Variants in SLC9C1 observed in about 807,000 individuals in gnomAD.
SLC9C1 encodes sodium/hydrogen exchanger 10.
SLC9C1 carries 97 observed loss-of-function variants against 140.9 expected under a neutral mutation model. The observed-to-expected ratio is 0.69, with a 90% CI of 0.58 to 0.82. SLC9C1 has a LOEUF of 0.82. Ranked by LOEUF, SLC9C1 falls within the 40% of genes least tolerant of loss-of-function variation. The pLI, the probability that SLC9C1 is intolerant of heterozygous loss-of-function variation, is 0.00. For missense variants in SLC9C1, 1,340 were observed against 1,389.3 expected, an observed-to-expected ratio of 0.96 and a Z score of 0.56; for synonymous variants, 440 against 442.6, an observed-to-expected ratio of 0.99 and a Z score of 0.07.
At chr3:112,144,065 G>A (rs148784125) in intron 28 of SLC9C1, among the ~76,000 whole-genome samples, 1 of 151,938 alleles carries the variant, frequency 6.6e-6, no homozygotes, top group East Asian at 1.9e-4. Context: ...TGTAAGTGTG[G>A]GGCTTTAGTT....
At chr3:112,251,365 G>A (rs2079452045) in intron 10 of SLC9C1, among the ~76,000 whole-genome samples, 1 of 151,954 alleles carries the variant, frequency 6.6e-6, no homozygotes, top group African/African-American at 2.4e-5. Flanking sequence ...GCAACCCTCA[G>A]GTCAGGAAAT....
intron 20 of SLC9C1, among the ~76,000 whole-genome samples, chr3:112,191,729 C>CT (rs1192505908): frequency 2.0e-5 from 3 of 151,918 alleles, no homozygotes; most frequent in Non-Finnish European, 4.4e-5. Context: ...TCCTTCTTTG[C>CT]TTTTTTGGAG....
chr3:112,239,714 G>T, intron 12 of SLC9C1, 126 bp downstream of exon 12: 1 of 971,792 alleles, frequency 1.0e-6, no homozygotes, highest in Non-Finnish European at 1.5e-6. Context: ...GTTAAATAGA[G>T]TTATTAACAT....
At chr3:112,221,659 A>G (rs2078543985) in intron 13 of SLC9C1, among the ~76,000 whole-genome samples, 1 of 152,042 alleles carries the variant, frequency 6.6e-6, no homozygotes, top group African/African-American at 2.4e-5. Context: ...CATCTGTGAT[A>G]AGGATTAAAA....
intron 11 of SLC9C1, among the ~76,000 whole-genome samples, chr3:112,240,273 A>G (rs1458723618): frequency 6.6e-6 from 1 of 152,226 alleles, no homozygotes; most frequent in African/African-American, 2.4e-5. Flanking sequence ...CTTTTCATGC[A>G]TTAAGTTTTT....
At chr3:112,142,805 G>A (rs1389933796) in intron 28 of SLC9C1, among the ~76,000 whole-genome samples, 2 of 152,024 alleles carry the variant, frequency 1.3e-5, no homozygotes, top group African/African-American at 4.8e-5. Context: ...CGTGATGCTG[G>A]GCTTAGGATT....
chr3:112,239,755 T>C lies in SLC9C1; in HGVS notation c.1446+85A>G, dbSNP rs2079090403. 4.8e-6 allele frequency: 6 copies of C among 1,247,166 alleles called. No homozygotes were observed. The South Asian group carries it at 1.0e-4, about 21-fold the overall frequency. 77.3% of individuals were successfully genotyped at this position (1,247,166 alleles called of 1,614,324 possible). A position where few individuals can be genotyped will look rare whatever the true frequency, so the allele number is the denominator to read the frequency against. On this transcript the variant is annotated intron_variant, in intron 12 of 28. Transcript: ENST00000305815. ...CTCTATCAATTACAAATATTAAAAC[T>C]TGTGAATTAATATTTATGATCTGAT... is the stretch of plus-strand genomic sequence containing the variant.
chr3:112,186,170 A>G (rs2077535694), intron 20 of SLC9C1, among the ~76,000 whole-genome samples: 1 of 152,136 alleles, frequency 6.6e-6, no homozygotes, highest in African/African-American at 2.4e-5. Context: ...ATTATCCTCT[A>G]CCTTTTTGTG....
intron 14 of SLC9C1, 114 bp downstream of exon 14, chr3:112,221,014 T>A (rs751784935): frequency 1.9e-4 from 142 of 738,428 alleles, no homozygotes; most frequent in Middle Eastern, 9.8e-4. Context: ...ACTATAGTAT[T>A]AATATTAATA....
intron 10 of SLC9C1, among the ~76,000 whole-genome samples, chr3:112,261,283 C>T (rs2079763869): frequency 6.6e-6 from 1 of 152,006 alleles, no homozygotes; most frequent in Non-Finnish European, 1.5e-5. Context: ...CAAAAAGTTC[C>T]TAAATCAATC....
intron 3 of SLC9C1, among the ~76,000 whole-genome samples, chr3:112,280,372 G>C (rs1242183172): frequency 6.6e-6 from 1 of 152,176 alleles, no homozygotes. Flanking sequence ...TATGTCATTA[G>C]CCATTTTTTT....
chr3:112,266,018 G>C (rs2079908718), intron 8 of SLC9C1, among the ~76,000 whole-genome samples: 1 of 152,104 alleles, frequency 6.6e-6, no homozygotes, highest in South Asian at 2.1e-4. Context: ...AGTGGGGAAA[G>C]AGAACCAACA....
chr3:112,197,489 C>T (rs1274150059), intron 20 of SLC9C1, among the ~76,000 whole-genome samples: 2 of 152,088 alleles, frequency 1.3e-5, no homozygotes, highest in Non-Finnish European at 1.5e-5. Flanking sequence ...GCTCCAAGGA[C>T]ACATGCATAG....
At chr3:112,176,064 A>G (rs911970277) in intron 23 of SLC9C1, among the ~76,000 whole-genome samples, 6 of 152,164 alleles carry the variant, frequency 3.9e-5, no homozygotes, top group African/African-American at 1.4e-4. Context: ...TGGGTATCTA[A>G]GGCTCCTAGG....
intron 28 of SLC9C1, 118 bp downstream of exon 28, chr3:112,151,739 C>T (rs1004930840): frequency 4.7e-5 from 35 of 748,898 alleles, no homozygotes; most frequent in Admixed American, 2.8e-4. Flanking sequence ...AATCATCTGA[C>T]TAGTGGAAAG....
chr3:112,154,845 C>T (rs769923878), intron 27 of SLC9C1, 152 bp downstream of exon 27: 10 of 658,718 alleles, frequency 1.5e-5, no homozygotes, highest in African/African-American at 3.7e-5. Context: ...TCCACTGTAC[C>T]CAGTGCTAAA....
chr3:112,200,022 A>G lies in SLC9C1; in HGVS notation c.2375-553T>C, dbSNP rs576682569. 2.6e-5 allele frequency among the ~76,000 whole-genome samples: 4 copies of G among 152,178 alleles called. No homozygotes were observed. The South Asian group carries it at 6.2e-4, about 24-fold the overall frequency. On this transcript the variant is annotated intron_variant, in intron 19 of 28. Coordinates refer to ENST00000305815, the MANE Select transcript of SLC9C1 (RefSeq NM_183061.3). ...TCTACATTTGGGCTTTTCCTTGACC[A>G]TAACCTCTTATCTGGCTTGGTAACT...
intron 20 of SLC9C1, among the ~76,000 whole-genome samples, chr3:112,191,060 G>C (rs1172985942): frequency 2.0e-5 from 3 of 151,366 alleles, no homozygotes; most frequent in Non-Finnish European, 4.4e-5. Context: ...TTGTATAGTT[G>C]ACTTTGTATC....
intron 6 of SLC9C1, among the ~76,000 whole-genome samples, chr3:112,273,623 G>T (rs777714740): frequency 7.2e-5 from 11 of 152,080 alleles, no homozygotes; most frequent in Non-Finnish European, 1.3e-4. Flanking sequence ...TCTTCACTTC[G>T]GAGTTTTAGG....
Sources: allele counts gnomAD v4.1 joint callset (sites outside exome capture counted in the v4.1 genomes callset), GRCh38; gene constraint gnomAD v4.1.1; transcripts MANE v1.5; gene names NCBI Gene and HGNC (gene_info 2026-07-23, HGNC 2026-07-21).